The following CPNE4 variants were observed in gnomAD, a reference collection of about 807,000 sequenced individuals.
The protein encoded by CPNE4 is copine 4, also known as copine-4.
A neutral mutation model predicts 67.9 loss-of-function variants in CPNE4; 25 were observed. The observed-to-expected ratio is 0.37, with a 90% CI of 0.27 to 0.51. The LOEUF (loss-of-function observed/expected upper bound fraction) is 0.51. CPNE4 is among the 20% of genes least tolerant of loss of function. CPNE4 has a pLI of 0.93. For synonymous variants in CPNE4, 242 were observed against 244.9 expected, an observed-to-expected ratio of 0.99 and a Z score of 0.11; for missense variants, 464 against 690.8, an observed-to-expected ratio of 0.67 and a Z score of 3.68.
intron 10 of CPNE4, among the ~76,000 whole-genome samples, chr3:131,569,770 G>A (rs1328882297): frequency 1.3e-5 from 2 of 151,748 alleles, no homozygotes; most frequent in African/African-American, 4.8e-5. Flanking sequence ...AGGTTTGAAG[G>A]TCAGTCTGGG....
intron 2 of CPNE4, among the ~76,000 whole-genome samples, chr3:131,867,524 G>C (rs1408963872): frequency 8.1e-6 from 1 of 124,218 alleles, no homozygotes; most frequent in African/African-American, 3.1e-5. Flanking sequence ...AGGCATGCGG[G>C]TGGGGGGTCT....
chr3:131,917,511 C>A (rs1386865268), intron 1 of CPNE4, among the ~76,000 whole-genome samples: 1 of 151,918 alleles, frequency 6.6e-6, no homozygotes, highest in African/African-American at 2.4e-5. Flanking sequence ...GGAGTGGTGT[C>A]GGCATGTCAA....
chr3:131,698,710 G>A (rs929005065), intron 4 of CPNE4, among the ~76,000 whole-genome samples: 1 of 151,648 alleles, frequency 6.6e-6, no homozygotes, highest in African/African-American at 2.4e-5. Context: ...AGGAGTTGGA[G>A]ACCAACCTGG....
chr3:131,758,791 A>C (rs778782574), intron 2 of CPNE4, among the ~76,000 whole-genome samples: 1 of 152,030 alleles, frequency 6.6e-6, no homozygotes, highest in Non-Finnish European at 1.5e-5. Flanking sequence ...TTCCCATGCT[A>C]TTCTCGTGAT....
chr3:131,703,977 A>G (rs1270392594), intron 3 of CPNE4, among the ~76,000 whole-genome samples: 2 of 152,232 alleles, frequency 1.3e-5, no homozygotes, highest in Non-Finnish European at 2.9e-5. Context: ...ATAGGATTAT[A>G]CAAAGTTTAA....
rs370960136 is a variant in CPNE4, at chr3:131,726,766, C to G, written c.181-3141G>C. Among the ~76,000 whole-genome samples the G allele has an allele frequency of 6.9e-3, 1,047 of 151,980 alleles. 6 individuals carry two copies. The highest frequency in any genetic ancestry group is 0.025 in the South Asian group (121 of 4,796). On this transcript the variant is annotated intron_variant, in intron 2 of 15. Coordinates refer to ENST00000429747, the MANE Select transcript of CPNE4 (RefSeq NM_130808.3). ...TAAAACTCAGATTCCTGTTTCCTAA[C>G]CCCAGGTCATTCTGATTTAGTGAGT...
At chr3:131,553,604 G>GT (rs1936304114) in intron 12 of CPNE4, among the ~76,000 whole-genome samples, 1 of 152,044 alleles carries the variant, frequency 6.6e-6, no homozygotes. Flanking sequence ...GCCAACAGCG[G>GT]TAACTGACTT....
At chr3:131,715,437 A>G (rs559394801) in intron 3 of CPNE4, among the ~76,000 whole-genome samples, 8 of 152,248 alleles carry the variant, frequency 5.3e-5, no homozygotes, top group Non-Finnish European at 8.8e-5. Flanking sequence ...CTAGTTAGTG[A>G]CAAGCTATTA....
intron 2 of CPNE4, among the ~76,000 whole-genome samples, chr3:131,844,468 A>G (rs1330056311): frequency 6.6e-6 from 1 of 151,994 alleles, no homozygotes; most frequent in Non-Finnish European, 1.5e-5. Context: ...AGGTTTCACC[A>G]TGTTGGACAA....
At chr3:131,775,868 T>C (rs1308393512) in intron 2 of CPNE4, among the ~76,000 whole-genome samples, 1 of 152,188 alleles carries the variant, frequency 6.6e-6, no homozygotes, top group East Asian at 1.9e-4. Flanking sequence ...AACCACAATG[T>C]GCTGATAAGA....
At chr3:131,610,456 G>A (rs112156410) in intron 7 of CPNE4, among the ~76,000 whole-genome samples, 368 of 152,262 alleles carry the variant, frequency 2.4e-3, no homozygotes, top group Middle Eastern at 0.01. Flanking sequence ...TTGTTGGAGG[G>A]CTGTCCTGAG....
intron 1 of CPNE4, among the ~76,000 whole-genome samples, chr3:131,978,143 TATATA>T (rs2072737994): frequency 1.3e-5 from 1 of 78,628 alleles, no homozygotes; most frequent in Admixed American, 2.3e-4. Context: ...TATATAAATA[TATATA>T]AAATATATAA....
At chr3:131,774,683 T>C (rs2083252803) in intron 2 of CPNE4, among the ~76,000 whole-genome samples, 1 of 152,036 alleles carries the variant, frequency 6.6e-6, no homozygotes, top group Admixed American at 6.6e-5. Context: ...TGCTTCAGGG[T>C]CTTCTACCAA....
chr3:132,015,125 A>G (rs2073860232), intron 1 of CPNE4, among the ~76,000 whole-genome samples: 1 of 152,174 alleles, frequency 6.6e-6, no homozygotes, highest in Non-Finnish European at 1.5e-5. Context: ...GAGTCAAAGA[A>G]GTTATACTCT....
intron 7 of CPNE4, among the ~76,000 whole-genome samples, chr3:131,636,525 T>A (rs555303470): frequency 6.6e-6 from 1 of 152,254 alleles, no homozygotes; most frequent in South Asian, 2.1e-4. Flanking sequence ...GACACTACTA[T>A]CCCTGCCCCC....
intron 7 of CPNE4, among the ~76,000 whole-genome samples, chr3:131,658,351 A>G (rs538133430): frequency 6.6e-6 from 1 of 152,154 alleles, no homozygotes; most frequent in Non-Finnish European, 1.5e-5. Flanking sequence ...GCATCTCTCC[A>G]TCTCTACCTG....
At chr3:131,706,152 T>C (rs2081409045) in intron 3 of CPNE4, among the ~76,000 whole-genome samples, 1 of 152,214 alleles carries the variant, frequency 6.6e-6, no homozygotes, top group African/African-American at 2.4e-5. Flanking sequence ...ACCTGAATGT[T>C]AGCAGTTCAT....
At chr3:131,790,123 G>A (rs1252165083) in intron 2 of CPNE4, among the ~76,000 whole-genome samples, 1 of 152,126 alleles carries the variant, frequency 6.6e-6, no homozygotes, top group Admixed American at 6.6e-5. Context: ...CAGCCTGGCA[G>A]TATAATGCCA....
intron 2 of CPNE4, among the ~76,000 whole-genome samples, chr3:131,873,061 A>G (rs976246951): frequency 6.6e-6 from 1 of 152,206 alleles, no homozygotes; most frequent in Admixed American, 6.5e-5. Context: ...TAGTGATACC[A>G]TCTTACATGG....
Sources: gnomAD v4.1 joint callset for allele counts (sites outside exome capture counted in the v4.1 genomes callset) on GRCh38, gnomAD v4.1.1 for gene constraint, MANE v1.5 for transcripts, NCBI Gene and HGNC (gene_info 2026-07-23, HGNC 2026-07-21) for gene names.